The following PCDH15 variants were observed in gnomAD, a reference collection of about 807,000 sequenced individuals.
PCDH15 encodes protocadherin-15.
In PCDH15, 129 loss-of-function variants were observed where a neutral mutation model predicts 178.5. That is an observed-to-expected ratio of 0.72 (90% CI 0.63 to 0.84). The LOEUF (loss-of-function observed/expected upper bound fraction) is 0.84, where lower values mean the gene tolerates loss of function less well. PCDH15 is among the 40% of genes least tolerant of loss of function. The pLI, the probability that PCDH15 is intolerant of heterozygous loss-of-function variation, is 0.00. For synonymous variants in PCDH15, 800 were observed against 732.0 expected, an observed-to-expected ratio of 1.09 and a Z score of -1.50; for missense variants, 2,230 against 2,099.9, an observed-to-expected ratio of 1.06 and a Z score of -1.21.
At chr10:53,976,542 A>G (rs1304483662) in intron 21 of PCDH15, among the ~76,000 whole-genome samples, 2 of 152,116 alleles carry the variant, frequency 1.3e-5, no homozygotes, top group African/African-American at 4.8e-5. Context: ...GTCTCAAATG[A>G]CACAAACTCC....
At chr10:55,472,713 C>T (rs544115274) in intron 2 of PCDH15, among the ~76,000 whole-genome samples, 1 of 152,114 alleles carries the variant, frequency 6.6e-6, no homozygotes, top group Non-Finnish European at 1.5e-5. Context: ...TGACTACAGG[C>T]GCCCGCCACC....
intron 6 of PCDH15, among the ~76,000 whole-genome samples, chr10:54,342,812 T>C (rs923821079): frequency 3.3e-5 from 5 of 152,170 alleles, no homozygotes; most frequent in Non-Finnish European, 7.3e-5. Flanking sequence ...ATGTGAGACA[T>C]GGAGTCAAAT....
chr10:54,803,075 C>A (rs1193696581), upstream of PCDH15, among the ~76,000 whole-genome samples: 1 of 152,048 alleles, frequency 6.6e-6, no homozygotes, highest in Non-Finnish European at 1.5e-5. Flanking sequence ...ACACAGTAAG[C>A]AAAATGGAGT....
chr10:53,879,157 G>A (rs1900427), intron 26 of PCDH15, among the ~76,000 whole-genome samples: 94,561 of 151,364 alleles, frequency 0.62, 30,549 homozygotes, highest in Middle Eastern at 0.78. Flanking sequence ...TTTCTGCATC[G>A]TGTCACTGGC....
intron 2 of PCDH15, among the ~76,000 whole-genome samples, chr10:55,098,227 A>T (rs1423534836): frequency 6.6e-6 from 1 of 152,162 alleles, no homozygotes; most frequent in Non-Finnish European, 1.5e-5. Context: ...CAGACGAGGA[A>T]ATTAAGACAC....
chr10:54,676,238 A>G (rs1241669508), intron 1 of PCDH15, among the ~76,000 whole-genome samples: 1 of 152,072 alleles, frequency 6.6e-6, no homozygotes, highest in Non-Finnish European at 1.5e-5. Flanking sequence ...AATAAGAACC[A>G]AATCTCAGCC....
At chr10:54,470,235 T>C (rs899762684) in intron 3 of PCDH15, among the ~76,000 whole-genome samples, 2 of 152,182 alleles carry the variant, frequency 1.3e-5, no homozygotes, top group Admixed American at 6.5e-5. Flanking sequence ...AGCAGATAGC[T>C]GAGGAATGCA....
intron 2 of PCDH15, among the ~76,000 whole-genome samples, chr10:55,393,084 T>A (rs1837838609): frequency 6.6e-6 from 1 of 151,900 alleles, no homozygotes; most frequent in South Asian, 2.1e-4. Flanking sequence ...AGTTCAGAGA[T>A]CATCTTGAAT....
At chr10:55,486,515 A>C (rs1840301900) in intron 2 of PCDH15, among the ~76,000 whole-genome samples, 1 of 151,642 alleles carries the variant, frequency 6.6e-6, no homozygotes, top group South Asian at 2.1e-4. Context: ...AAAAACACAC[A>C]ATAAAATTAT....
chr10:55,296,605 C>T (rs1843138048), intron 1 of PCDH15, among the ~76,000 whole-genome samples: 1 of 152,166 alleles, frequency 6.6e-6, no homozygotes, highest in South Asian at 2.1e-4. Context: ...GTTTTAGAAG[C>T]TCTGTAACAG....
chr10:55,614,584 C>T (rs1010486719), intron 2 of PCDH15, among the ~76,000 whole-genome samples: 1 of 151,880 alleles, frequency 6.6e-6, no homozygotes, highest in African/African-American at 2.4e-5. Flanking sequence ...TTCAAAATAC[C>T]CTTCCTTCTG....
chr10:54,894,778 C>T (rs914408446), intron 3 of PCDH15, among the ~76,000 whole-genome samples: 9 of 152,138 alleles, frequency 5.9e-5, no homozygotes, highest in Non-Finnish European at 1.0e-4. Flanking sequence ...AAAGCAGGCA[C>T]CTTCTGCTTC....
chr10:53,980,632 T>C (rs1163308858), intron 21 of PCDH15, among the ~76,000 whole-genome samples: 2 of 152,190 alleles, frequency 1.3e-5, no homozygotes, highest in Non-Finnish European at 2.9e-5. Context: ...GCTAAGTGTG[T>C]CATTCTCCAT....
intron 26 of PCDH15, among the ~76,000 whole-genome samples, chr10:53,886,595 CTTTTTTTTTT>C (rs36171553): frequency 1.4e-5 from 1 of 72,786 alleles, no homozygotes; most frequent in Non-Finnish European, 2.4e-5. Context: ...ATGTATGCCT[CTTTTTTTTTT>C]TTTTTTTTTT....
chr10:54,320,692 A>G (rs148811220), intron 7 of PCDH15, among the ~76,000 whole-genome samples: 80 of 152,102 alleles, frequency 5.3e-4, no homozygotes, highest in African/African-American at 1.9e-3. Context: ...CAAATGATGT[A>G]ATGATTTGTT....
chr10:54,080,807 C>T (rs1201982688), intron 16 of PCDH15, among the ~76,000 whole-genome samples: 2 of 152,106 alleles, frequency 1.3e-5, no homozygotes, highest in African/African-American at 4.8e-5. Flanking sequence ...ATGTTCACAA[C>T]AATTAAGTTT....
At chr10:55,341,235 A>G in intron 2 of PCDH15, among the ~76,000 whole-genome samples, 1 of 152,046 alleles carries the variant, frequency 6.6e-6, no homozygotes, top group East Asian at 1.9e-4. Context: ...CCTATCAACA[A>G]TAGATTCATC....
intron 3 of PCDH15, among the ~76,000 whole-genome samples, chr10:54,430,818 AT>A (rs1332515203): frequency 2.0e-5 from 3 of 151,904 alleles, no homozygotes; most frequent in Admixed American, 1.3e-4. Context: ...GAATAATGAA[AT>A]AAAAAGTTTG....
intron 23 of PCDH15, among the ~76,000 whole-genome samples, chr10:53,950,571 C>G (rs1463125835): frequency 6.6e-6 from 1 of 152,100 alleles, no homozygotes; most frequent in Non-Finnish European, 1.5e-5. Context: ...CACATTTAGA[C>G]TCTATGATCT....
Sources: gnomAD v4.1 joint callset for allele counts (sites outside exome capture counted in the v4.1 genomes callset) on GRCh38, gnomAD v4.1.1 for gene constraint, MANE v1.5 for transcripts, NCBI Gene and HGNC (gene_info 2026-07-23, HGNC 2026-07-21) for gene names.